WDR64: variants seen among roughly 807,000 people sequenced by gnomAD.
WDR64 encodes WD repeat domain 64, also known as WD repeat-containing protein 64.
WDR64 carries 112 observed loss-of-function variants against 139.3 expected under a neutral mutation model. That is an observed-to-expected ratio of 0.80 (90% CI 0.69 to 0.94). WDR64 has a LOEUF of 0.94. Among genes scored for constraint, WDR64 ranks in the 40% least tolerant of loss-of-function variants. The pLI is 0.00. For missense variants in WDR64, 1,206 were observed against 1,293.1 expected (o/e 0.93, Z 1.03); for synonymous variants, 444 against 437.7 (o/e 1.01, Z -0.18).
chr1:241,785,096 G>A (rs1048120142), intron 23 of WDR64, among the ~76,000 whole-genome samples: 2 of 151,878 alleles, frequency 1.3e-5, no homozygotes, highest in Admixed American at 1.3e-4. Flanking sequence ...AGCTACCTAT[G>A]AGCAGAAGTG....
intron 11 of WDR64, 74 bp from the exon 12 acceptor site, chr1:241,741,442 C>T: frequency 7.1e-7 from 1 of 1,407,142 alleles, no homozygotes; most frequent in Non-Finnish European, 9.5e-7. Context: ...CCAAACCCAA[C>T]TGCTTGGCTG....
intron 9 of WDR64, among the ~76,000 whole-genome samples, chr1:241,719,282 T>C (rs1159743198): frequency 6.6e-6 from 1 of 152,164 alleles, no homozygotes; most frequent in Non-Finnish European, 1.5e-5. Flanking sequence ...GTTCAAAAAA[T>C]ATCTTTTGAA....
At position 241,687,598 on chromosome 1, in the gene WDR64, AAGTAT is replaced by A; in HGVS notation, c.974+8_974+12del. 6.2e-7 allele frequency: 1 copy of A among 1,610,502 alleles called. No individual in the cohort carries two copies. The highest frequency in any genetic ancestry group is 8.5e-7 in the Non-Finnish European group (1 of 1,178,038). ...TTGAAGAGACTCGAGGATAATTTGT[AAGTAT>A]AGTAATTTATATACATGAACAGTCT... is the stretch of plus-strand genomic sequence containing the variant. On this transcript the variant is annotated splice_donor_5th_base_variant and intron_variant, in intron 8 of 27. Coordinates refer to ENST00000437684, the MANE Select transcript of WDR64 (RefSeq NM_001367482.1).
chr1:241,724,260 G>A (rs1459710807), intron 10 of WDR64, among the ~76,000 whole-genome samples: 1 of 152,090 alleles, frequency 6.6e-6, no homozygotes, highest in African/African-American at 2.4e-5. Flanking sequence ...GTGTCAGCTT[G>A]CCAAGTTTAA....
At chr1:241,660,995 A>G (rs77582390) in intron 2 of WDR64, among the ~76,000 whole-genome samples, 4,233 of 152,316 alleles carry the variant, frequency 0.028, 113 homozygotes, top group South Asian at 0.1. Context: ...GGTTCAATGT[A>G]CACAAATTTT....
chr1:241,677,303 C>T (rs927799063), intron 4 of WDR64: 13 of 398,214 alleles, frequency 3.3e-5, no homozygotes, highest in Non-Finnish European at 4.9e-5. Context: ...TGCTACTCAC[C>T]GGTTTTCTTA....
At chr1:241,664,725 G>A (rs1324959689) in intron 2 of WDR64, among the ~76,000 whole-genome samples, 1 of 151,486 alleles carries the variant, frequency 6.6e-6, no homozygotes, top group Admixed American at 6.6e-5. Context: ...TTCTTTTCAG[G>A]TTCTCATTTA....
At position 241,703,897 on chromosome 1, in the gene WDR64, T is replaced by C. The variant is rs148553834; in HGVS notation, c.975-7905T>C. 5.1e-4 allele frequency among the ~76,000 whole-genome samples: 77 copies of C among 152,212 alleles called. No homozygotes were observed. In the East Asian group the frequency reaches 0.01, roughly 21 times the overall value. On this transcript the variant is annotated intron_variant, in intron 8 of 27. Coordinates refer to ENST00000437684, the MANE Select transcript of WDR64 (RefSeq NM_001367482.1). This position sits in a 1 kb window ranked among gnomAD's most constrained non-coding sequence, Gnocchi z 5.9. ...AAAAGAGGAACTTGCCAAACACTTA[T>C]AAAATCATCAGATCTCATGAGAACT...
chr1:241,688,318 G>C (rs1173095821), intron 8 of WDR64, among the ~76,000 whole-genome samples: 2 of 152,240 alleles, frequency 1.3e-5, no homozygotes, highest in South Asian at 4.2e-4. Context: ...GGACTTTCTT[G>C]GGTGATGAAA....
In WDR64 at chr1:241,674,761, C is replaced by CT. The variant is rs1666400827; in HGVS notation, c.483+21dup. The CT allele has an allele frequency of 6.9e-7, 1 of 1,456,250 alleles. No individual in the cohort carries two copies. Among genetic ancestry groups the CT allele is most frequent in the Non-Finnish European group, 9.4e-7 (1 of 1,065,268 alleles). The allele number at this position is 1,456,250 out of a possible 1,614,324, so 90.2% of individuals were successfully genotyped here. A position where few individuals can be genotyped will look rare whatever the true frequency, so the allele number is the denominator to read the frequency against. ...TTTAATAACCAGGTAATTTCTTTTT[C>CT]TTTTTTTAACTGAATGACTCATTTT... On this transcript the variant is annotated intron_variant, in intron 4 of 27. Transcript: ENST00000437684.
At chr1:241,766,145 A>G (rs1658155368) in intron 15 of WDR64, 73 bp from the exon 16 acceptor site, 1 of 1,427,400 alleles carries the variant, frequency 7.0e-7, no homozygotes, top group African/African-American at 1.4e-5. Context: ...ACAATTACAA[A>G]GTGTACACAT....
intron 7 of WDR64, among the ~76,000 whole-genome samples, chr1:241,685,895 C>T (rs541581996): frequency 2.6e-5 from 4 of 152,276 alleles, no homozygotes; most frequent in African/African-American, 2.4e-5. Flanking sequence ...GATGCTGAGA[C>T]ATGAATCTGC....
chr1:241,701,288 ACACACACT>A (rs1191851122), intron 8 of WDR64, among the ~76,000 whole-genome samples: 2 of 151,504 alleles, frequency 1.3e-5, no homozygotes, highest in African/African-American at 2.5e-5. Context: ...GCACACACAC[ACACACACT>A]CACACACACA....
intron 13 of WDR64, 137 bp from the exon 14 acceptor site, chr1:241,749,410 C>T: frequency 1.1e-6 from 1 of 945,298 alleles, no homozygotes; most frequent in South Asian, 1.8e-5. Context: ...TGGGAAGACT[C>T]ACCCATCTGA....
At chr1:241,742,618 G>C (rs894895028) in intron 12 of WDR64, among the ~76,000 whole-genome samples, 3 of 152,204 alleles carry the variant, frequency 2.0e-5, no homozygotes, top group South Asian at 2.1e-4. Context: ...TGTTTAGCAT[G>C]TCATCAAGAA....
At chr1:241,654,431 A>G (rs1665494315) in intron 1 of WDR64, among the ~76,000 whole-genome samples, 1 of 152,234 alleles carries the variant, frequency 6.6e-6, no homozygotes. Flanking sequence ...TAGTTGCCAA[A>G]TTCAATAAAT....
intron 3 of WDR64, among the ~76,000 whole-genome samples, chr1:241,673,233 TG>T (rs1462335666): frequency 3.3e-5 from 5 of 151,436 alleles, no homozygotes; most frequent in African/African-American, 2.4e-5. Context: ...TAATGCTAAA[TG>T]ACGAGTTAAT....
chr1:241,776,602 C>T (rs146489724), intron 21 of WDR64, among the ~76,000 whole-genome samples: 22 of 152,134 alleles, frequency 1.4e-4, no homozygotes, highest in African/African-American at 3.6e-4. Flanking sequence ...TTCTGATTTT[C>T]GCTTATCTAT....
At chr1:241,713,696 T>C (rs1018464518) in intron 9 of WDR64, among the ~76,000 whole-genome samples, 1 of 152,162 alleles carries the variant, frequency 6.6e-6, no homozygotes, top group African/African-American at 2.4e-5. Context: ...GTGGAGGTTT[T>C]GTTGGGATAA....
Sources: gnomAD v4.1 joint callset for allele counts (sites outside exome capture counted in the v4.1 genomes callset) on GRCh38, gnomAD v4.1.1 for gene constraint, Gnocchi (gnomAD v3.1) non-coding constraint, MANE v1.5 for transcripts, NCBI Gene and HGNC (gene_info 2026-07-23, HGNC 2026-07-21) for gene names.